The following TNNC1 variants were observed in gnomAD, a reference collection of about 807,000 sequenced individuals.
The protein encoded by TNNC1 is troponin C, slow skeletal and cardiac muscles.
Under a neutral mutation model 19.6 loss-of-function variants are expected in TNNC1, and 10 were observed. That is an observed-to-expected ratio of 0.51 (90% CI 0.31 to 0.87). The LOEUF is 0.87. TNNC1 is among the 40% of genes least tolerant of loss of function. The pLI is 0.04. For synonymous variants in TNNC1, 85 were observed against 80.1 expected, an observed-to-expected ratio of 1.06 and a Z score of -0.33; for missense variants, 115 against 219.8, an observed-to-expected ratio of 0.52 and a Z score of 3.02.
At position 52,451,312 on chromosome 3, in the gene TNNC1, G is replaced by C. The variant is rs1706318738; in HGVS notation, c.455-6C>G. 2 of 1,614,140 alleles carry C rather than the reference G, an allele frequency of 1.2e-6. No individual in the cohort carries two copies. The highest frequency in any genetic ancestry group is 1.7e-5 in the Admixed American group (1 of 60,028). On this transcript the variant is annotated splice_polypyrimidine_tract_variant and splice_region_variant and intron_variant, in intron 5 of 5. Transcript: ENST00000232975. The surrounding 1 kb of genome is among the most constrained non-coding windows in gnomAD (Gnocchi z 4.8). ...CTTCATGAACTCCAGGAACTCTGTG[G>C]AAAGAGGGGCAGGTGTGGGTTGAGG... is the stretch of plus-strand genomic sequence containing the variant.
rs749613702 is a variant in TNNC1, at chr3:52,452,007, A to C, written c.202+99T>G. The C allele has an allele frequency of 3.1e-6, 5 of 1,593,666 alleles. No individual in the cohort carries two copies. The highest frequency in any genetic ancestry group is 8.6e-7 in the Non-Finnish European group (1 of 1,164,044). ...GCCCATTTTATAGATGAGGCAACCA[A>C]GGCTCGGATAGGCTAAATTGCTCCC... is the stretch of plus-strand genomic sequence containing the variant. On this transcript the variant is annotated intron_variant, in intron 3 of 5. Transcript: ENST00000232975. The surrounding 1 kb of genome is among the most constrained non-coding windows in gnomAD (Gnocchi z 5.2).
Position 52,453,992 on chromosome 3 carries a change from C to A in TNNC1, c.24G>T (p.Ala8=). The part of the protein sequence containing the change: MDDIYKA[A]VEQLTEEQKN... The stretch of plus-strand genomic sequence containing the variant: ...AGCCCTACCCAGCCCTGTCCCTCAC[C>A]GCAGCCTTGTAGATGTCATCCATGC... Residue 8 remains alanine (A), a splice_region_variant and synonymous_variant, in exon 1 of 6, where the codon GCG becomes GCT. Transcript: ENST00000232975. 1 of 1,587,282 alleles carries A rather than the reference C, an allele frequency of 6.3e-7. No individual in the cohort carries two copies. The highest frequency in any genetic ancestry group is 2.3e-5 in the East Asian group (1 of 43,678).
chr3:52,451,552 G>T lies in TNNC1; in HGVS notation c.318-25C>A, dbSNP rs1706328463. On this transcript the variant is annotated intron_variant, in intron 4 of 5. Coordinates refer to ENST00000232975, the MANE Select transcript of TNNC1 (RefSeq NM_003280.3). The surrounding 1 kb of genome is among the most constrained non-coding windows in gnomAD (Gnocchi z 4.8). ...TCTGTGGGGAGGGGGCTCAGGGTAGGGCTGTGGGGAGGGCATGAGGCAGCC... is the reference window on the plus strand; with the variant it reads ...TCTGTGGGGAGGGGGCTCAGGGTAGTGCTGTGGGGAGGGCATGAGGCAGCC... The T allele has an allele frequency of 2.5e-6, 4 of 1,613,706 alleles. No individual in the cohort carries two copies. Among genetic ancestry groups the T allele is most frequent in the African/African-American group, 2.7e-5 (2 of 74,964 alleles).
In TNNC1 at chr3:52,451,215, C is replaced by A. The variant is rs1578263578; in HGVS notation, c.*60G>T. The stretch of plus-strand genomic sequence containing the variant: ...CCTGGGACCCCGACCCCCTCCCCAA[C>A]CCCAGGACTCAGCTGGAGTTGGAGG... On this transcript the variant is annotated 3_prime_UTR_variant, in exon 6 of 6. Transcript: ENST00000232975. The surrounding 1 kb of genome is among the most constrained non-coding windows in gnomAD (Gnocchi z 4.8). 1 of 1,609,288 alleles carries A rather than the reference C, an allele frequency of 6.2e-7. No individual in the cohort carries two copies. The highest frequency in any genetic ancestry group is 2.2e-5 in the East Asian group (1 of 44,834).
In TNNC1 at chr3:52,451,722, A is replaced by G. The variant is rs1207187507; in HGVS notation, c.317+22T>C. 2.5e-6 allele frequency: 4 copies of G among 1,608,766 alleles called. No homozygotes were observed. The highest frequency in any genetic ancestry group is 2.6e-6 in the Non-Finnish European group (3 of 1,175,188). ...CGGCTTGAGTGTGGGTCAGGGTCAG[A>G]GGTCAAGGGTCACGTGCTCACTTGT... On this transcript the variant is annotated intron_variant, in intron 4 of 5. Coordinates refer to ENST00000232975, the MANE Select transcript of TNNC1 (RefSeq NM_003280.3). The surrounding 1 kb of genome is among the most constrained non-coding windows in gnomAD (Gnocchi z 4.8).
chr3:52,451,195 G>T lies in TNNC1; in HGVS notation c.*80C>A. 1 of 1,568,406 alleles carries T rather than the reference G, an allele frequency of 6.4e-7. No individual in the cohort carries two copies. Among genetic ancestry groups the T allele is most frequent in the South Asian group, 1.1e-5 (1 of 89,652 alleles). Reference sequence around the variant, plus strand: ...GGACATGGCCAGGCTCAGGTCCTGGGACCCCGACCCCCTCCCCAACCCCAG... The same window carrying T: ...GGACATGGCCAGGCTCAGGTCCTGGTACCCCGACCCCCTCCCCAACCCCAG... On this transcript the variant is annotated 3_prime_UTR_variant, in exon 6 of 6. Coordinates refer to ENST00000232975, the MANE Select transcript of TNNC1 (RefSeq NM_003280.3). The surrounding 1 kb of genome is among the most constrained non-coding windows in gnomAD (Gnocchi z 4.8).
In TNNC1 at chr3:52,452,307, G is replaced by A; in HGVS notation, c.56-55C>T. On this transcript the variant is annotated intron_variant, in intron 2 of 5. Coordinates refer to ENST00000232975, the MANE Select transcript of TNNC1 (RefSeq NM_003280.3). This position sits in a 1 kb window ranked among gnomAD's most constrained non-coding sequence, Gnocchi z 5.2. ...TCAGGGCTCAGCAGCCAGGACCACG[G>A]AGGGCCAGAACCCTGGGGCCACCTG... 6.2e-7 allele frequency: 1 copy of A among 1,602,968 alleles called. No individual in the cohort carries two copies. The highest frequency in any genetic ancestry group is 8.5e-7 in the Non-Finnish European group (1 of 1,179,824).
At position 52,452,397 on chromosome 3, in the gene TNNC1, C is replaced by G; in HGVS notation, c.55+86G>C. 1 of 1,590,162 alleles carries G rather than the reference C, an allele frequency of 6.3e-7. No homozygotes were observed. Among genetic ancestry groups the G allele is most frequent in the Non-Finnish European group, 8.6e-7 (1 of 1,165,990 alleles). On this transcript the variant is annotated intron_variant, in intron 2 of 5. Transcript: ENST00000232975. The surrounding 1 kb of genome is among the most constrained non-coding windows in gnomAD (Gnocchi z 5.2). Reference sequence around the variant, plus strand: ...GAGCAAGAGGGACCAAGCCTCTGGTCTCTGGCCTGGGGTCCTCTTCTGATA... The same window carrying G: ...GAGCAAGAGGGACCAAGCCTCTGGTGTCTGGCCTGGGGTCCTCTTCTGATA...
In TNNC1 at chr3:52,451,683, C is replaced by A; in HGVS notation, c.317+61G>T. The A allele has an allele frequency of 2.5e-6, 4 of 1,584,754 alleles. No individual in the cohort carries two copies. Among genetic ancestry groups the A allele is most frequent in the East Asian group, 4.5e-5 (2 of 44,706 alleles). ...CCCTAGGCCTGGAATCTGAGACTGC[C>A]CTCCTGTACAGCTCGGCTTGAGTGT... is the stretch of plus-strand genomic sequence containing the variant. On this transcript the variant is annotated intron_variant, in intron 4 of 5. Coordinates refer to ENST00000232975, the MANE Select transcript of TNNC1 (RefSeq NM_003280.3). This position sits in a 1 kb window ranked among gnomAD's most constrained non-coding sequence, Gnocchi z 4.8.
In TNNC1 at chr3:52,451,416, G is replaced by A; in HGVS notation, c.429C>T (p.Asn143=). ...IEELMKDGDK[N]NDGRIDYDEF... ...CATCATAGTCGATGCGGCCGTCGTT[G>A]TTCTTGTCTCCGTCCTTCATGAGCT... The change falls in exon 5 of 6, where the codon AAC becomes AAT. Residue 143 remains asparagine, a synonymous_variant. Transcript: ENST00000232975. This position sits in a 1 kb window ranked among gnomAD's most constrained non-coding sequence, Gnocchi z 4.8. The A allele has an allele frequency of 6.2e-7, 1 of 1,614,174 alleles. No homozygotes were observed. The highest frequency in any genetic ancestry group is 8.5e-7 in the Non-Finnish European group (1 of 1,180,022).
Position 52,451,199 on chromosome 3 carries a change from C to T in TNNC1, c.*76G>A, listed in dbSNP as rs1281340071. On this transcript the variant is annotated 3_prime_UTR_variant, in exon 6 of 6. Coordinates refer to ENST00000232975, the MANE Select transcript of TNNC1 (RefSeq NM_003280.3). This position sits in a 1 kb window ranked among gnomAD's most constrained non-coding sequence, Gnocchi z 4.8. ...ATGGCCAGGCTCAGGTCCTGGGACCCCGACCCCCTCCCCAACCCCAGGACT... is the reference window on the plus strand; with the variant it reads ...ATGGCCAGGCTCAGGTCCTGGGACCTCGACCCCCTCCCCAACCCCAGGACT... 4 of 1,586,704 alleles carry T rather than the reference C, an allele frequency of 2.5e-6. No homozygotes were observed. The highest frequency in any genetic ancestry group is 1.7e-6 in the Non-Finnish European group (2 of 1,156,576).
intron 1 of TNNC1, among the ~76,000 whole-genome samples, chr3:52,453,461 A>T (rs1706358352): frequency 6.6e-6 from 1 of 152,054 alleles, no homozygotes; most frequent in South Asian, 2.1e-4. Flanking sequence ...TCAAACTTCA[A>T]AGCCCCATCT....
At chr3:52,453,110 G>A (rs753293040) in intron 1 of TNNC1, among the ~76,000 whole-genome samples, 39 of 152,352 alleles carry the variant, frequency 2.6e-4, no homozygotes, top group Middle Eastern at 3.4e-3. Context: ...ACTCCCACAG[G>A]ATAAGCAGGC....
At position 52,451,556 on chromosome 3, in the gene TNNC1, G is replaced by A; in HGVS notation, c.318-29C>T. ...TGGGGAGGGGGCTCAGGGTAGGGCT[G>A]TGGGGAGGGCATGAGGCAGCCCCAC... On this transcript the variant is annotated intron_variant, in intron 4 of 5. Transcript: ENST00000232975. This position sits in a 1 kb window ranked among gnomAD's most constrained non-coding sequence, Gnocchi z 4.8. The A allele has an allele frequency of 6.2e-7, 1 of 1,613,676 alleles. No homozygotes were observed. Among genetic ancestry groups the A allele is most frequent in the Non-Finnish European group, 8.5e-7 (1 of 1,179,902 alleles).
Position 52,451,337 on chromosome 3 carries a change from G to A in TNNC1, c.455-31C>T. On this transcript the variant is annotated intron_variant, in intron 5 of 5. Coordinates refer to ENST00000232975, the MANE Select transcript of TNNC1 (RefSeq NM_003280.3). The surrounding 1 kb of genome is among the most constrained non-coding windows in gnomAD (Gnocchi z 4.8). ...GAAAGAGGGGCAGGTGTGGGTTGAG[G>A]GTAGGGGCTGGGCAGGGCATGGAGG... 2 of 1,614,100 alleles carry A rather than the reference G, an allele frequency of 1.2e-6. No individual in the cohort carries two copies. Among genetic ancestry groups the A allele is most frequent in the Non-Finnish European group, 1.7e-6 (2 of 1,179,994 alleles).
rs1462807001 is a variant in TNNC1, at chr3:52,453,489, C to T, written c.24+503G>A. Among the ~76,000 whole-genome samples the T allele has an allele frequency of 2.6e-5, 4 of 152,166 alleles. No individual in the cohort carries two copies. In the East Asian group the frequency reaches 7.7e-4, roughly 29 times the overall value. ...CCCCATCTCCAGCCCAGGACTCAGG[C>T]TCTACAGACCCCTCCTCTCACACCC... On this transcript the variant is annotated intron_variant, in intron 1 of 5. Transcript: ENST00000232975.
Position 52,452,538 on chromosome 3 carries a change from G to A in TNNC1, c.25-25C>T, listed in dbSNP as rs1378249776. The A allele has an allele frequency of 1.2e-6, 2 of 1,612,068 alleles. No individual in the cohort carries two copies. Among genetic ancestry groups the A allele is most frequent in the South Asian group, 1.1e-5 (1 of 90,640 alleles). On this transcript the variant is annotated intron_variant, in intron 1 of 5. Transcript: ENST00000232975. This position sits in a 1 kb window ranked among gnomAD's most constrained non-coding sequence, Gnocchi z 5.2. ...CCTAGAAAGGAAAGGGAATCTCAAG[G>A]CTCAGACTCAGGTATAGCTGCTGCT...
At chr3:52,453,954 G>A in intron 1 of TNNC1, 38 bp downstream of exon 1, 1 of 1,575,482 alleles carries the variant, frequency 6.3e-7, no homozygotes, top group Non-Finnish European at 8.6e-7. Flanking sequence ...CCCCCAGTGG[G>A]CCTGCCCACC....
Position 52,451,609 on chromosome 3 carries a change from A to G in TNNC1, c.318-82T>C. The G allele has an allele frequency of 6.3e-7, 1 of 1,596,998 alleles. No individual in the cohort carries two copies. The highest frequency in any genetic ancestry group is 1.7e-5 in the Admixed American group (1 of 59,946). On this transcript the variant is annotated intron_variant, in intron 4 of 5. Transcript: ENST00000232975. The surrounding 1 kb of genome is among the most constrained non-coding windows in gnomAD (Gnocchi z 4.8). ...ATGCCCCAGGAGGCAGAGCAGGGAC[A>G]CTGGGAGATGGGGCATCCCTCTCCC...
Sources: allele counts gnomAD v4.1 joint callset (sites outside exome capture counted in the v4.1 genomes callset), GRCh38; gene constraint gnomAD v4.1.1; non-coding constraint Gnocchi (gnomAD v3.1); transcripts MANE v1.5; gene names NCBI Gene and HGNC (gene_info 2026-07-23, HGNC 2026-07-21).